The following RNF145 variants were observed in gnomAD, a reference collection of about 807,000 sequenced individuals.
The protein encoded by RNF145 is ring finger protein 145.
RNF145 carries 12 observed loss-of-function variants against 57.3 expected under a neutral mutation model. The ratio of observed to expected loss-of-function variants is 0.21; its 90% CI spans 0.13 to 0.34. The LOEUF (loss-of-function observed/expected upper bound fraction) is 0.34. Among genes scored for constraint, RNF145 ranks in the 10% least tolerant of loss-of-function variants. The probability of loss-of-function intolerance (pLI) is 1.00; values close to 1 mark genes in which losing one functional copy is unlikely to be tolerated. For missense variants in RNF145, 429 were observed against 799.0 expected (o/e 0.54, Z 5.58); for synonymous variants, 262 against 288.3 (o/e 0.91, Z 0.92).
rs936989533 is a variant in RNF145, at chr5:159,168,767, C to G, written c.1121+106G>C. The G allele has an allele frequency of 3.5e-5, 22 of 636,532 alleles. No individual in the cohort carries two copies. The Admixed American group carries it at 7.5e-4, about 22-fold the overall frequency. 39.4% of individuals were successfully genotyped at this position (636,532 alleles called of 1,614,324 possible). A position where few individuals can be genotyped will look rare whatever the true frequency, so the allele number is the denominator to read the frequency against. ...AATTAACCTAAGCTAATACCAATTA[C>G]CCATATCCATTTTCTGTCTCTAAAT... On this transcript the variant is annotated intron_variant, in intron 8 of 10. Coordinates refer to ENST00000424310, the MANE Select transcript of RNF145 (RefSeq NM_001199383.2).
Position 159,209,274 on chromosome 5 carries a change from G to T in RNF145, c.-83C>A. On this transcript the variant is annotated 5_prime_UTR_variant, in exon 1 of 11. Transcript: ENST00000424310. ...TCCCTGGGGAGCGGCGCTGCCGGCGGGCGGGCTCCGCAACTCCCCGGCTCT... is the reference window on the plus strand; with the variant it reads ...TCCCTGGGGAGCGGCGCTGCCGGCGTGCGGGCTCCGCAACTCCCCGGCTCT... 1.0e-6 allele frequency: 1 copy of T among 985,378 alleles called. No homozygotes were observed. 61.0% of individuals were successfully genotyped at this position (985,378 alleles called of 1,614,324 possible).
chr5:159,159,697 C>T (rs1784151237), intron 10 of RNF145, among the ~76,000 whole-genome samples: 1 of 152,160 alleles, frequency 6.6e-6, no homozygotes, highest in Non-Finnish European at 1.5e-5. Flanking sequence ...TTACAAGCCA[C>T]CTGTGTGACT....
In RNF145 at chr5:159,178,495, A is replaced by G. The variant is rs543648740; in HGVS notation, c.386-1628T>C. Among the ~76,000 whole-genome samples, 62 of 152,124 alleles carry G rather than the reference A, an allele frequency of 4.1e-4. 2 individuals carry two copies. The highest frequency in any genetic ancestry group is 1.3e-3 in the African/African-American group (56 of 41,546). ...TTGCTCCTTTCAGAATTTCTTGGAG[A>G]TTACTGAATGTTATTTTCCAGATTA... is the stretch of plus-strand genomic sequence containing the variant. On this transcript the variant is annotated intron_variant, in intron 4 of 10. Transcript: ENST00000424310.
chr5:159,175,931 A>G (rs1335921123), intron 5 of RNF145, among the ~76,000 whole-genome samples: 3 of 152,194 alleles, frequency 2.0e-5, no homozygotes, highest in African/African-American at 7.2e-5. Context: ...CAAACTATCA[A>G]TTAAACCAAA....
chr5:159,167,563 A>T (rs1390307022), intron 8 of RNF145, among the ~76,000 whole-genome samples: 2 of 152,204 alleles, frequency 1.3e-5, no homozygotes, highest in Admixed American at 6.5e-5. Flanking sequence ...TTAATAACAG[A>T]TGACATTGAC....
At chr5:159,184,337 A>C (rs1208630752) in intron 3 of RNF145, among the ~76,000 whole-genome samples, 1 of 152,188 alleles carries the variant, frequency 6.6e-6, no homozygotes, top group Non-Finnish European at 1.5e-5. Flanking sequence ...CACACAACAA[A>C]ATTTCTAGGG....
At chr5:159,198,710 T>C (rs1290547764) in intron 2 of RNF145, among the ~76,000 whole-genome samples, 1 of 152,192 alleles carries the variant, frequency 6.6e-6, no homozygotes, top group East Asian at 1.9e-4. Context: ...TGGAAATGTC[T>C]AAGAAGTAAT....
chr5:159,197,088 C>G (rs537498245), intron 2 of RNF145, among the ~76,000 whole-genome samples: 3 of 152,062 alleles, frequency 2.0e-5, no homozygotes, highest in African/African-American at 7.2e-5. Context: ...TAAGCATGGA[C>G]AAAAGTAATT....
intron 2 of RNF145, among the ~76,000 whole-genome samples, chr5:159,202,628 A>T (rs1785709669): frequency 6.6e-6 from 1 of 152,198 alleles, no homozygotes; most frequent in Non-Finnish European, 1.5e-5. Flanking sequence ...TATAAAAGAT[A>T]TATTTTGTGA....
At chr5:159,194,869 C>T in intron 2 of RNF145, 45 bp from the exon 3 acceptor site, 1 of 1,271,608 alleles carries the variant, frequency 7.9e-7, no homozygotes, top group Non-Finnish European at 1.1e-6. Context: ...TTTAGTTTCC[C>T]AATTAATTAC....
At chr5:159,201,064 T>C (rs374399490) in intron 2 of RNF145, among the ~76,000 whole-genome samples, 1 of 152,186 alleles carries the variant, frequency 6.6e-6, no homozygotes, top group East Asian at 1.9e-4. Flanking sequence ...ACACTACAAA[T>C]ATATATAAGT....
At chr5:159,160,581 G>A (rs554928344) in intron 10 of RNF145, among the ~76,000 whole-genome samples, 1 of 152,102 alleles carries the variant, frequency 6.6e-6, no homozygotes, top group South Asian at 2.1e-4. Flanking sequence ...CCAACAGTGC[G>A]GCCTCTTGCA....
intron 10 of RNF145, among the ~76,000 whole-genome samples, chr5:159,159,510 G>C (rs755887833): frequency 6.6e-6 from 1 of 152,142 alleles, no homozygotes; most frequent in Non-Finnish European, 1.5e-5. Flanking sequence ...CCAGGGTATT[G>C]GCAAGGAAGT....
At chr5:159,207,897 C>T (rs1453162528) in intron 1 of RNF145, 4 of 1,613,082 alleles carry the variant, frequency 2.5e-6, no homozygotes, top group Non-Finnish European at 1.7e-6. Flanking sequence ...CCTCTGCCAT[C>T]GGCCGCTCAG....
intron 8 of RNF145, among the ~76,000 whole-genome samples, chr5:159,167,978 C>A (rs1784439738): frequency 1.3e-5 from 2 of 151,870 alleles, no homozygotes; most frequent in African/African-American, 4.8e-5. Context: ...ACCGAAGAAG[C>A]AATAAATTCA....
At chr5:159,204,402 G>C (rs927451451) in intron 1 of RNF145, among the ~76,000 whole-genome samples, 1 of 151,930 alleles carries the variant, frequency 6.6e-6, no homozygotes, top group Admixed American at 6.6e-5. Flanking sequence ...GGGGCAGGGG[G>C]AGGAGGAAAT....
intron 3 of RNF145, among the ~76,000 whole-genome samples, chr5:159,187,794 G>A (rs143295620): frequency 2.0e-5 from 3 of 152,234 alleles, no homozygotes; most frequent in Non-Finnish European, 2.9e-5. Context: ...GACAGCTTCC[G>A]TAGCAATGCA....
At chr5:159,187,449 T>C (rs956473003) in intron 3 of RNF145, among the ~76,000 whole-genome samples, 1 of 151,812 alleles carries the variant, frequency 6.6e-6, no homozygotes, top group African/African-American at 2.4e-5. Flanking sequence ...TGCCTCAGTA[T>C]CCTGAGTAGC....
chr5:159,205,583 T>A (rs1465199610), intron 1 of RNF145, among the ~76,000 whole-genome samples: 1 of 152,202 alleles, frequency 6.6e-6, no homozygotes, highest in South Asian at 2.1e-4. Context: ...CAATACCCTC[T>A]TGGGAATTTA....
Sources: allele counts gnomAD v4.1 joint callset (sites outside exome capture counted in the v4.1 genomes callset), GRCh38; gene constraint gnomAD v4.1.1; transcripts MANE v1.5; gene names NCBI Gene and HGNC (gene_info 2026-07-23, HGNC 2026-07-21).